Variants in PRKCB observed in about 807,000 individuals in gnomAD.
The protein encoded by PRKCB is protein kinase C beta.
In PRKCB, 13 loss-of-function variants were observed where a neutral mutation model predicts 81.5. The observed-to-expected ratio is 0.16, with a 90% CI of 0.10 to 0.25. The LOEUF is 0.25. Ranked by LOEUF, PRKCB falls within the 10% of genes least tolerant of loss-of-function variation. PRKCB has a pLI of 1.00. For missense variants in PRKCB, 509 were observed against 875.7 expected (o/e 0.58, Z 5.29); for synonymous variants, 335 against 321.4 (o/e 1.04, Z -0.45).
At chr16:23,863,215 C>CATACATATATATGTGTATATAT (rs1201482796) in intron 2 of PRKCB, among the ~76,000 whole-genome samples, 11,754 of 57,384 alleles carry the variant, frequency 0.2, 613 homozygotes, top group Middle Eastern at 0.33. Flanking sequence ...TGTATATATA[C>CATACATATATATGTGTATATAT]ATACATATAT....
intron 9 of PRKCB, among the ~76,000 whole-genome samples, chr16:24,145,871 A>C (rs919853419): frequency 6.6e-6 from 1 of 152,224 alleles, no homozygotes; most frequent in African/African-American, 2.4e-5. Flanking sequence ...AATGGGTAGA[A>C]TTGTGTCCTC....
intron 16 of PRKCB, among the ~76,000 whole-genome samples, chr16:24,192,496 C>T (rs1967809105): frequency 6.6e-6 from 1 of 152,158 alleles, no homozygotes; most frequent in Admixed American, 6.5e-5. Flanking sequence ...GCTCTTTGTT[C>T]AGGAAACAGG....
At position 24,068,927 on chromosome 16, in the gene PRKCB, T is replaced by A. The variant is rs189352418; in HGVS notation, c.530-23864T>A. Among the ~76,000 whole-genome samples the A allele has an allele frequency of 3.9e-3, 593 of 152,326 alleles. 5 individuals are homozygous for A. Among genetic ancestry groups the A allele is most frequent in the African/African-American group, 0.014 (568 of 41,568 alleles). On this transcript the variant is annotated intron_variant, in intron 5 of 16. Transcript: ENST00000643927. The stretch of plus-strand genomic sequence containing the variant: ...GTTGCTAAGCATTCTGCTAGAACAC[T>A]ATGGAGACAGCGATATAAAATAAGA...
chr16:24,096,808 T>C (rs1966451483), intron 7 of PRKCB, among the ~76,000 whole-genome samples: 1 of 150,678 alleles, frequency 6.6e-6, no homozygotes, highest in South Asian at 2.1e-4. Flanking sequence ...CCTGGCACTA[T>C]AACTTTGGGA....
chr16:24,219,657 CACACACA>C lies in PRKCB; in HGVS notation c.*4842_*4848del, dbSNP rs1968290453. The stretch of plus-strand genomic sequence containing the variant: ...CCTAAAGCCAAAGAAAATACAGCAA[CACACACA>C]CACACACACACACACACACACACAC... On this transcript the variant is annotated 3_prime_UTR_variant, in exon 17 of 17. Transcript: ENST00000643927. 0.043 allele frequency: 26,977 copies of C among 630,378 alleles called. 185 individuals are homozygous for C. The highest frequency in any genetic ancestry group is 0.084 in the Middle Eastern group (105 of 1,250). The allele number at this position is 630,378 out of a possible 1,614,324, so 39.0% of individuals were successfully genotyped here.
chr16:23,971,918 C>T (rs974451356), intron 2 of PRKCB, among the ~76,000 whole-genome samples: 2 of 151,772 alleles, frequency 1.3e-5, no homozygotes, highest in Non-Finnish European at 2.9e-5. Flanking sequence ...AGGTATTTAT[C>T]CAAGAGGAAT....
intron 5 of PRKCB, among the ~76,000 whole-genome samples, chr16:24,064,575 T>G (rs1966009996): frequency 6.6e-6 from 1 of 152,210 alleles, no homozygotes; most frequent in Admixed American, 6.5e-5. Flanking sequence ...CCATATTGTG[T>G]GTGTGTAAAT....
intron 2 of PRKCB, among the ~76,000 whole-genome samples, chr16:23,895,504 A>T (rs868079858): frequency 5.9e-5 from 9 of 152,324 alleles, no homozygotes; most frequent in South Asian, 2.1e-4. Flanking sequence ...ATTGGATAGT[A>T]TGCTCGTCTC....
intron 3 of PRKCB, among the ~76,000 whole-genome samples, chr16:24,021,012 C>CTTTCTTTCTTTCTTTCTTTCTT (rs1965360616): frequency 3.5e-4 from 50 of 141,630 alleles, no homozygotes; most frequent in African/African-American, 1.3e-3. Flanking sequence ...TTCTTTCTTT[C>CTTTCTTTCTTTCTTTCTTTCTT]TTTCTTTCTT....
rs138739797 is a variant in PRKCB at position 24,056,333 on chromosome 16, A to C, written c.529+20786A>C. 6.3e-3 allele frequency among the ~76,000 whole-genome samples: 961 copies of C among 152,340 alleles called. 8 individuals carry two copies. Among genetic ancestry groups the C allele is most frequent in the African/African-American group, 0.022 (908 of 41,586 alleles). ...GGCAGCTTATGGGGACTTGTGGGTC[A>C]TACAGGTTCCCCTAGAAAGATGATG... On this transcript the variant is annotated intron_variant, in intron 5 of 16. Coordinates refer to ENST00000643927, the MANE Select transcript of PRKCB (RefSeq NM_002738.7).
At chr16:24,189,993 G>T (rs1243766939) in intron 15 of PRKCB, among the ~76,000 whole-genome samples, 1 of 152,132 alleles carries the variant, frequency 6.6e-6, no homozygotes, top group East Asian at 1.9e-4. Context: ...CAAGTCTTGA[G>T]ATCAGAGATA....
At chr16:24,196,231 G>A (rs1023090806) in intron 16 of PRKCB, among the ~76,000 whole-genome samples, 4 of 152,212 alleles carry the variant, frequency 2.6e-5, no homozygotes, top group African/African-American at 9.6e-5. Context: ...CTTACTGAAT[G>A]AGTGAATGGC....
chr16:23,916,328 G>T (rs553895383), intron 2 of PRKCB, among the ~76,000 whole-genome samples: 95 of 150,708 alleles, frequency 6.3e-4, no homozygotes, highest in African/African-American at 2.3e-3. Context: ...CTTCCAAAGT[G>T]CTGGGATTAC....
chr16:24,211,829 G>A (rs1968143145), intron 16 of PRKCB, among the ~76,000 whole-genome samples: 1 of 152,060 alleles, frequency 6.6e-6, no homozygotes, highest in African/African-American at 2.4e-5. Context: ...CAAAGTTCAG[G>A]GATTACAGGC....
At chr16:24,035,203 G>A (rs559250561) in intron 4 of PRKCB, among the ~76,000 whole-genome samples, 1 of 152,200 alleles carries the variant, frequency 6.6e-6, no homozygotes, top group African/African-American at 2.4e-5. Flanking sequence ...GAACAGACAA[G>A]TTCTACCTCC....
intron 9 of PRKCB, among the ~76,000 whole-genome samples, chr16:24,136,611 C>T (rs965096566): frequency 6.6e-6 from 1 of 152,154 alleles, no homozygotes; most frequent in African/African-American, 2.4e-5. Flanking sequence ...CTAATTCTCA[C>T]ATGTAGAATA....
At chr16:24,203,062 CACAAAAATT>C (rs1294157995) in intron 16 of PRKCB, 2 of 151,892 alleles carry the variant, frequency 1.3e-5, no homozygotes, top group Middle Eastern at 3.2e-3. Context: ...TCTTTACACA[CACAAAAATT>C]ACAAAAATCA....
intron 2 of PRKCB, among the ~76,000 whole-genome samples, chr16:23,888,400 A>C (rs920462378): frequency 6.6e-6 from 1 of 152,150 alleles, no homozygotes; most frequent in Non-Finnish European, 1.5e-5. Context: ...GTGGGTCCTC[A>C]TGGGCTGTAG....
rs529518632 is a variant in PRKCB, at chr16:24,106,050, T to A, written c.822-6923T>A. Among the ~76,000 whole-genome samples the A allele has an allele frequency of 4.2e-4, 64 of 152,012 alleles. No homozygotes were observed. In the South Asian group the frequency reaches 7.9e-3, roughly 19 times the overall value. On this transcript the variant is annotated intron_variant, in intron 7 of 16. Coordinates refer to ENST00000643927, the MANE Select transcript of PRKCB (RefSeq NM_002738.7). The stretch of plus-strand genomic sequence containing the variant: ...TAAATCAGTGTTATATTACTTTTTT[T>A]TAAAAAAACTTTCTGTTATTATTAA...
Sources: gnomAD v4.1 joint callset for allele counts (sites outside exome capture counted in the v4.1 genomes callset) on GRCh38, gnomAD v4.1.1 for gene constraint, MANE v1.5 for transcripts, NCBI Gene and HGNC (gene_info 2026-07-23, HGNC 2026-07-21) for gene names.